SLC24A4: variants seen among roughly 807,000 people sequenced by gnomAD.
SLC24A4 encodes the protein sodium/potassium/calcium exchanger 4.
In SLC24A4, 53 loss-of-function variants were observed where a neutral mutation model predicts 79.0. That is an observed-to-expected ratio of 0.67 (90% CI 0.54 to 0.84). The LOEUF (loss-of-function observed/expected upper bound fraction) is 0.84, where lower values mean the gene tolerates loss of function less well. Among genes scored for constraint, SLC24A4 ranks in the 40% least tolerant of loss-of-function variants. The pLI, the probability that SLC24A4 is intolerant of heterozygous loss-of-function variation, is 0.00. For missense variants in SLC24A4, 731 were observed against 822.0 expected (o/e 0.89, Z 1.35); for synonymous variants, 323 against 323.8 (o/e 1.00, Z 0.03).
intron 12 of SLC24A4, among the ~76,000 whole-genome samples, chr14:92,477,201 A>C (rs1485238269): frequency 1.3e-5 from 2 of 152,156 alleles, no homozygotes; most frequent in African/African-American, 4.8e-5. Flanking sequence ...CTTGTTATTT[A>C]TCTTTTTTAT....
chr14:92,324,681 T>C (rs547685839), intron 1 of SLC24A4, among the ~76,000 whole-genome samples: 11 of 152,358 alleles, frequency 7.2e-5, no homozygotes, highest in African/African-American at 2.4e-4. Context: ...TCAGGAGGCA[T>C]TCACTTCCCT....
At chr14:92,420,337 G>A (rs978266603) in intron 2 of SLC24A4, among the ~76,000 whole-genome samples, 3 of 152,038 alleles carry the variant, frequency 2.0e-5, no homozygotes, top group Non-Finnish European at 4.4e-5. Flanking sequence ...AAAATTAGCC[G>A]GGCACAGTGG....
Position 92,449,705 on chromosome 14 carries a change from C to T in SLC24A4, c.880+489C>T, listed in dbSNP as rs751645692. Among the ~76,000 whole-genome samples the T allele has an allele frequency of 5.3e-5, 8 of 152,224 alleles. No homozygotes were observed. In the South Asian group the frequency reaches 6.2e-4, roughly 12 times the overall value. On this transcript the variant is annotated intron_variant, in intron 10 of 16. Transcript: ENST00000532405. ...GGTTCTCGGGCTGGGAACTGTTGCC[C>T]GGAGGAAGAACAAGGCCAGGAAAGG...
In SLC24A4 at chr14:92,333,413, G is replaced by GT. The variant is rs367873383; in HGVS notation, c.241+7443dup. 6.4e-4 allele frequency among the ~76,000 whole-genome samples: 98 copies of GT among 152,140 alleles called. 2 individuals carry two copies. Among genetic ancestry groups the GT allele is most frequent in the South Asian group, 5.8e-3 (28 of 4,824 alleles). On this transcript the variant is annotated intron_variant, in intron 2 of 16. Transcript: ENST00000532405. ...CCCGGCCCCACTTCTGAGATTGAATGTTTTTTTTCATTCTCCACTATGTGA... is the reference window on the plus strand; with the variant it reads ...CCCGGCCCCACTTCTGAGATTGAATGTTTTTTTTTCATTCTCCACTATGTGA...
chr14:92,408,506 C>T (rs1374665906), intron 2 of SLC24A4: 11 of 881,434 alleles, frequency 1.2e-5, no homozygotes, highest in Non-Finnish European at 8.2e-6. Context: ...AGGAGTGAGC[C>T]AAGGTAGAAA....
chr14:92,412,782 C>A (rs1274294310), intron 2 of SLC24A4, among the ~76,000 whole-genome samples: 1 of 152,182 alleles, frequency 6.6e-6, no homozygotes, highest in Non-Finnish European at 1.5e-5. Flanking sequence ...GCCTCACCAC[C>A]CTGCCTGATG....
At chr14:92,438,689 C>A (rs1892318464) in intron 3 of SLC24A4, among the ~76,000 whole-genome samples, 1 of 152,136 alleles carries the variant, frequency 6.6e-6, no homozygotes, top group Non-Finnish European at 1.5e-5. Context: ...CGCTTCCACG[C>A]CTTCCCTAAG....
At position 92,487,557 on chromosome 14, in the gene SLC24A4, C is replaced by T. The variant is rs541604437; in HGVS notation, c.1537+777C>T. On this transcript the variant is annotated intron_variant, in intron 14 of 16. Coordinates refer to ENST00000532405, the MANE Select transcript of SLC24A4 (RefSeq NM_153646.4). ...TGGTTAGTGAGTTGAGCCTGAGAAA[C>T]CACGAGATGAGGGGAAAGGAAGAGT... Among the ~76,000 whole-genome samples, 44 of 152,190 alleles carry T rather than the reference C, an allele frequency of 2.9e-4. 1 individual carries two copies. The East Asian group carries it at 7.9e-3, about 27-fold the overall frequency.
intron 12 of SLC24A4, among the ~76,000 whole-genome samples, chr14:92,479,470 G>C (rs1894944087): frequency 6.6e-6 from 1 of 152,220 alleles, no homozygotes; most frequent in Non-Finnish European, 1.5e-5. Flanking sequence ...GGATTGTGTA[G>C]TTTTATCCTT....
At position 92,484,401 on chromosome 14, in the gene SLC24A4, C is replaced by T. The variant is rs1029155430; in HGVS notation, c.1422+1555C>T. 3 of 985,312 alleles carry T rather than the reference C, an allele frequency of 3.0e-6. No homozygotes were observed. The Admixed American group carries it at 1.8e-4, about 61-fold the overall frequency. 61.0% of individuals were successfully genotyped at this position (985,312 alleles called of 1,614,324 possible). A position where few individuals can be genotyped will look rare whatever the true frequency, so the allele number is the denominator to read the frequency against. On this transcript the variant is annotated intron_variant, in intron 13 of 16. Transcript: ENST00000532405. ...ACACCAGCTGGTGGAAGGTGCTGCCCCCAGCCTGTTCCCTTTCTCCCTTTC... is the reference window on the plus strand; with the variant it reads ...ACACCAGCTGGTGGAAGGTGCTGCCTCCAGCCTGTTCCCTTTCTCCCTTTC...
rs1293030630 is a variant in SLC24A4, at chr14:92,499,813, C to G, written c.*6185C>G. ...GGATTACAAGCGTGAGCCCCTGCACCCGGCCCAAGCAGTTGCTTCTTTTTT... is the reference window on the plus strand; with the variant it reads ...GGATTACAAGCGTGAGCCCCTGCACGCGGCCCAAGCAGTTGCTTCTTTTTT... On this transcript the variant is annotated 3_prime_UTR_variant, in exon 17 of 17. Coordinates refer to ENST00000532405, the MANE Select transcript of SLC24A4 (RefSeq NM_153646.4). 6.6e-6 allele frequency: 1 copy of G among 151,052 alleles called. No homozygotes were observed. Among genetic ancestry groups the G allele is most frequent in the Non-Finnish European group, 1.5e-5 (1 of 68,090 alleles). 9.4% of individuals were successfully genotyped at this position (151,052 alleles called of 1,614,324 possible). A position where few individuals can be genotyped will look rare whatever the true frequency, so the allele number is the denominator to read the frequency against.
intron 13 of SLC24A4, chr14:92,484,304 C>A (rs1895239598): frequency 1.0e-6 from 1 of 985,440 alleles, no homozygotes; most frequent in South Asian, 4.7e-5. Context: ...TGATCAGAGA[C>A]CTGCCGCAAC....
rs72695141 is a variant in SLC24A4 at position 92,400,812 on chromosome 14, G to A, written c.242-33100G>A. 6.0e-3 allele frequency among the ~76,000 whole-genome samples: 915 copies of A among 152,236 alleles called. 6 individuals are homozygous for A. The highest frequency in any genetic ancestry group is 8.5e-3 in the Non-Finnish European group (580 of 68,022). On this transcript the variant is annotated intron_variant, in intron 2 of 16. Transcript: ENST00000532405. ...TTTCTTGTTTATTTCTGTAAGCATT[G>A]GTGTTTTGTGGGAGATGCATACTTT...
At chr14:92,368,329 C>CG (rs1286514695) in intron 2 of SLC24A4, among the ~76,000 whole-genome samples, 1 of 152,164 alleles carries the variant, frequency 6.6e-6, no homozygotes, top group Non-Finnish European at 1.5e-5. Flanking sequence ...GTTTATAAGA[C>CG]GGGGGCTCCA....
chr14:92,477,762 C>CT (rs1264803326), intron 12 of SLC24A4, among the ~76,000 whole-genome samples: 1 of 143,962 alleles, frequency 6.9e-6, no homozygotes, highest in Non-Finnish European at 1.5e-5. Context: ...CCTTTCTTTC[C>CT]TTTTTTTCTT....
At position 92,456,537 on chromosome 14, in the gene SLC24A4, C is replaced by A. The variant is rs146952483; in HGVS notation, c.1184C>A (p.Pro395Gln). 5 of 1,613,686 alleles carry A rather than the reference C, an allele frequency of 3.1e-6. No homozygotes were observed. The highest frequency in any genetic ancestry group is 4.2e-6 in the Non-Finnish European group (5 of 1,179,902). ...EDPQQNQEQQPPPQPPPPEPE... is the reference protein window; with the variant it reads ...EDPQQNQEQQQPPQPPPPEPE... ...CCTCAGCAGAATCAGGAGCAGCAGC[C>A]GCCGCCACAGCCACCACCGCCAGAG... The change falls in exon 12 of 17, where the codon CCG (proline) becomes CAG (glutamine). Residue 395 changes from proline to glutamine, a missense_variant. Transcript: ENST00000532405.
At chr14:92,438,421 T>C (rs1892297323) in intron 3 of SLC24A4, among the ~76,000 whole-genome samples, 1 of 151,622 alleles carries the variant, frequency 6.6e-6, no homozygotes, top group Non-Finnish European at 1.5e-5. Context: ...CTGGAAAACA[T>C]AGTGAGACTC....
At chr14:92,393,923 A>G (rs765805644) in intron 2 of SLC24A4, among the ~76,000 whole-genome samples, 117 of 152,120 alleles carry the variant, frequency 7.7e-4, no homozygotes, top group Non-Finnish European at 1.2e-3. Context: ...AGGCAGGAGA[A>G]TCACTTGAAC....
At chr14:92,438,397 A>G (rs1245457269) in intron 3 of SLC24A4, among the ~76,000 whole-genome samples, 1 of 152,110 alleles carries the variant, frequency 6.6e-6, no homozygotes, top group Non-Finnish European at 1.5e-5. Flanking sequence ...TGAGTCCAGG[A>G]GTTCAAAACC....
Sources: gnomAD v4.1 joint callset for allele counts (sites outside exome capture counted in the v4.1 genomes callset) on GRCh38, gnomAD v4.1.1 for gene constraint, MANE v1.5 for transcripts, NCBI Gene and HGNC (gene_info 2026-07-23, HGNC 2026-07-21) for gene names.